ZNF503: variants seen among roughly 807,000 people sequenced by gnomAD.
ZNF503 encodes zinc finger protein 503.
A neutral mutation model predicts 34.4 loss-of-function variants in ZNF503; 15 were observed. That is an observed-to-expected ratio of 0.44 (90% CI 0.29 to 0.67). ZNF503 has a LOEUF of 0.67. Ranked by LOEUF, ZNF503 falls within the 30% of genes least tolerant of loss-of-function variation. The pLI is 0.13. For synonymous variants in ZNF503, 580 were observed against 456.8 expected, an observed-to-expected ratio of 1.27 and a Z score of -3.44; for missense variants, 1,007 against 926.8, an observed-to-expected ratio of 1.09 and a Z score of -1.12.
At chr10:75,368,721 C>A in the ZNF503 span, among the ~76,000 whole-genome samples, 1 of 152,196 alleles carries the variant, frequency 6.6e-6, no homozygotes, top group South Asian at 2.1e-4. Context: ...AAATGGATGA[C>A]CTGGCAAAGC....
At chr10:75,396,573 A>G (rs930206908), downstream of ZNF503, among the ~76,000 whole-genome samples, 6 of 152,172 alleles carry the variant, frequency 3.9e-5, no homozygotes, top group African/African-American at 1.2e-4. The surrounding 1 kb of genome is among the most constrained non-coding windows in gnomAD (Gnocchi z 4.4). Flanking sequence ...GACGCAGGCG[A>G]GAGGCCAAAG....
chr10:75,367,042 C>T, the ZNF503 span, among the ~76,000 whole-genome samples: 2 of 152,230 alleles, frequency 1.3e-5, no homozygotes, highest in African/African-American at 4.8e-5. Flanking sequence ...GGCTGCACCA[C>T]TTTGTGTTAC....
the ZNF503 span, among the ~76,000 whole-genome samples, chr10:75,328,422 T>C: frequency 6.6e-6 from 1 of 152,214 alleles, no homozygotes; most frequent in Non-Finnish European, 1.5e-5. Context: ...TATTTATTTC[T>C]GGGTTCTTAT....
At chr10:75,285,791 A>G in the ZNF503 span, among the ~76,000 whole-genome samples, 3 of 152,212 alleles carry the variant, frequency 2.0e-5, no homozygotes, top group Admixed American at 6.5e-5. Context: ...TGGAAGGGGA[A>G]AACATTAGGC....
the ZNF503 span, among the ~76,000 whole-genome samples, chr10:75,365,337 G>C: frequency 6.6e-6 from 1 of 152,050 alleles, no homozygotes; most frequent in Admixed American, 6.6e-5. Context: ...TAGTAGAGAC[G>C]GGGTTTCACT....
the ZNF503 span, among the ~76,000 whole-genome samples, chr10:75,318,221 C>A: frequency 6.6e-6 from 1 of 151,798 alleles, no homozygotes; most frequent in Non-Finnish European, 1.5e-5. Context: ...AGTTATACCC[C>A]ATAAAGCTAA....
Position 75,401,445 on chromosome 10 carries a change from C to T in ZNF503, c.-26G>A. On this transcript the variant is annotated 5_prime_UTR_variant, in exon 1 of 2. Transcript: ENST00000372524. ...GACCCACCCGCGCGCATGGGAGCAG[C>T]GGGGGGGAGGGCTCCGGGAGGCGCG... The T allele has an allele frequency of 6.6e-7, 1 of 1,523,674 alleles. No homozygotes were observed. Among genetic ancestry groups the T allele is most frequent in the Non-Finnish European group, 8.8e-7 (1 of 1,141,802 alleles). The allele number at this position is 1,523,674 out of a possible 1,614,324, so 94.4% of individuals were successfully genotyped here.
At chr10:75,371,493 TC>T in the ZNF503 span, among the ~76,000 whole-genome samples, 1 of 152,194 alleles carries the variant, frequency 6.6e-6, no homozygotes, top group Admixed American at 6.5e-5. Flanking sequence ...AAAGATCTTT[TC>T]CTGCTCCTCA....
At chr10:75,337,349 G>A in the ZNF503 span, among the ~76,000 whole-genome samples, 1 of 146,670 alleles carries the variant, frequency 6.8e-6, no homozygotes, top group Non-Finnish European at 1.5e-5. Flanking sequence ...TCTCGGTGGG[G>A]CACGGTGGCT....
chr10:75,285,042 T>C, the ZNF503 span, among the ~76,000 whole-genome samples: 2 of 152,330 alleles, frequency 1.3e-5, no homozygotes, highest in Admixed American at 6.5e-5. Context: ...TTATTGATCA[T>C]GGTTTGTTTT....
At chr10:75,337,306 G>GTGAAAGAGCTAGACTC in the ZNF503 span, among the ~76,000 whole-genome samples, 1 of 150,896 alleles carries the variant, frequency 6.6e-6, no homozygotes, top group Admixed American at 6.6e-5. Flanking sequence ...TCCAGCATGG[G>GTGAAAGAGCTAGACTC]CAACAAAGTG....
the ZNF503 span, among the ~76,000 whole-genome samples, chr10:75,335,400 T>G: frequency 4.6e-5 from 7 of 152,252 alleles, no homozygotes; most frequent in Non-Finnish European, 1.5e-5. Flanking sequence ...ACATCTGCTG[T>G]TCTCAGCCCT....
chr10:75,332,712 T>C, the ZNF503 span, among the ~76,000 whole-genome samples: 4 of 146,322 alleles, frequency 2.7e-5, no homozygotes, highest in Non-Finnish European at 4.5e-5. Flanking sequence ...ATCTGTTTAA[T>C]AAAGCACATC....
At chr10:75,343,699 G>C in the ZNF503 span, among the ~76,000 whole-genome samples, 1 of 152,174 alleles carries the variant, frequency 6.6e-6, no homozygotes, top group African/African-American at 2.4e-5. Context: ...AGCCCTCCCT[G>C]GATTTCTGCG....
At chr10:75,315,142 T>C in the ZNF503 span, among the ~76,000 whole-genome samples, 1 of 152,184 alleles carries the variant, frequency 6.6e-6, no homozygotes. Context: ...GGAGGATTGC[T>C]TGAGGCCAAG....
the ZNF503 span, among the ~76,000 whole-genome samples, chr10:75,326,951 T>C: frequency 6.6e-6 from 1 of 152,190 alleles, no homozygotes; most frequent in Admixed American, 6.5e-5. Context: ...TCCAAAGTGC[T>C]GGGATTACAG....
At chr10:75,280,414 C>G in the ZNF503 span, 3 of 152,228 alleles carry the variant, frequency 2.0e-5, no homozygotes, top group African/African-American at 7.2e-5. Flanking sequence ...CCTTTCCTGA[C>G]AGATGGCCCT....
the ZNF503 span, among the ~76,000 whole-genome samples, chr10:75,370,852 A>G: frequency 6.7e-6 from 1 of 149,388 alleles, no homozygotes. Context: ...CATTGGAACT[A>G]TTAACTAATT....
chr10:75,326,767 T>C, the ZNF503 span, among the ~76,000 whole-genome samples: 1 of 152,116 alleles, frequency 6.6e-6, no homozygotes, highest in African/African-American at 2.4e-5. Context: ...GCCCCCTGGG[T>C]TCAAGTGATT....
Sources: allele counts gnomAD v4.1 joint callset (sites outside exome capture counted in the v4.1 genomes callset), GRCh38; gene constraint gnomAD v4.1.1; non-coding constraint Gnocchi (gnomAD v3.1); transcripts MANE v1.5; gene names NCBI Gene and HGNC (gene_info 2026-07-23, HGNC 2026-07-21).